Variants in THTPA observed in about 807,000 individuals in gnomAD.
The protein encoded by THTPA is thiamine triphosphatase, also known as thiamine-triphosphatase.
In THTPA, 16 loss-of-function variants were observed where a neutral mutation model predicts 16.5. The ratio of observed to expected loss-of-function variants is 0.97; its 90% CI spans 0.66 to 1.47. The LOEUF (loss-of-function observed/expected upper bound fraction) is 1.47, where lower values mean the gene tolerates loss of function less well. Ranked by LOEUF, THTPA falls within the 40% of genes most tolerant of loss-of-function variation. The pLI is 0.00. For synonymous variants in THTPA, 110 were observed against 115.5 expected, an observed-to-expected ratio of 0.95 and a Z score of 0.30; for missense variants, 281 against 280.9, an observed-to-expected ratio of 1.00 and a Z score of 0.00.
the THTPA span, chr14:23,531,614 C>G: frequency 6.6e-7 from 1 of 1,525,162 alleles, no homozygotes; most frequent in Non-Finnish European, 8.8e-7. Context: ...CAGGTGTGCG[C>G]AGGTGTTGCA....
At chr14:23,558,606 C>A in intron 1 of THTPA, 89 bp from the exon 2 acceptor site, 1 of 1,543,272 alleles carries the variant, frequency 6.5e-7, no homozygotes, top group East Asian at 2.3e-5. Context: ...TTGGAAACAT[C>A]CACGGAGTCC....
the THTPA span, chr14:23,532,351 A>G: frequency 9.3e-6 from 5 of 536,462 alleles, no homozygotes; most frequent in Non-Finnish European, 1.5e-5. Context: ...AGAGCTGAAT[A>G]AAGTCTGTTT....
At chr14:23,528,565 C>T in the THTPA span, 1 of 978,656 alleles carries the variant, frequency 1.0e-6, no homozygotes, top group Non-Finnish European at 1.2e-6. Flanking sequence ...TTTTCTGGAC[C>T]CAGAGGCTCC....
the THTPA span, chr14:23,526,861 C>T: frequency 1.3e-6 from 2 of 1,531,770 alleles, no homozygotes; most frequent in East Asian, 2.4e-5. Flanking sequence ...TGCCTGGTCT[C>T]TGCTCGGTGT....
chr14:23,519,429 T>C, the THTPA span, among the ~76,000 whole-genome samples: 2 of 152,264 alleles, frequency 1.3e-5, no homozygotes, highest in East Asian at 1.9e-4. Context: ...TAGTTTTATA[T>C]ATAGAATTTC....
the THTPA span, chr14:23,530,529 T>G: frequency 1.9e-6 from 1 of 522,894 alleles, no homozygotes; most frequent in Non-Finnish European, 3.6e-6. Context: ...CCCAGAGAAA[T>G]GTAGTAGGAG....
chr14:23,530,068 C>G, the THTPA span: 1 of 1,462,450 alleles, frequency 6.8e-7, no homozygotes, highest in Non-Finnish European at 9.3e-7. Flanking sequence ...TGCAAGGTCC[C>G]GTGAGCGTCT....
the THTPA span, chr14:23,525,831 C>T: frequency 2.1e-6 from 3 of 1,457,048 alleles, no homozygotes; most frequent in Middle Eastern, 1.8e-4. This position sits in a 1 kb window ranked among gnomAD's most constrained non-coding sequence, Gnocchi z 5.9. Context: ...ACCTTGAGAT[C>T]GTGGAGGTAG....
chr14:23,522,812 G>A, the THTPA span: 14 of 1,535,954 alleles, frequency 9.1e-6, no homozygotes, highest in Non-Finnish European at 1.2e-5. Flanking sequence ...GGTGCCTGCT[G>A]TGGAGGTGTT....
chr14:23,521,585 T>G, the THTPA span: 2 of 203,966 alleles, frequency 9.8e-6, no homozygotes, highest in Non-Finnish European at 2.0e-5. Context: ...TGTGTATGCA[T>G]TTATGGGGAT....
At chr14:23,545,557 C>T in the THTPA span, among the ~76,000 whole-genome samples, 1 of 152,214 alleles carries the variant, frequency 6.6e-6, no homozygotes, top group African/African-American at 2.4e-5. Flanking sequence ...CTAATCTTTC[C>T]AGAACCTCTT....
At chr14:23,522,761 T>G in the THTPA span, 1 of 1,536,206 alleles carries the variant, frequency 6.5e-7, no homozygotes, top group East Asian at 2.4e-5. Flanking sequence ...GGAGACCTTG[T>G]CCCCCAAGGG....
chr14:23,524,748 C>CA, the THTPA span: 1 of 1,536,446 alleles, frequency 6.5e-7, no homozygotes, highest in Non-Finnish European at 8.7e-7. The surrounding 1 kb of genome is among the most constrained non-coding windows in gnomAD (Gnocchi z 5.6). Flanking sequence ...AATGGGCCCT[C>CA]AGGCCCTGCT....
chr14:23,526,221 T>C, the THTPA span: 1 of 1,536,172 alleles, frequency 6.5e-7, no homozygotes, highest in South Asian at 1.2e-5. Flanking sequence ...GTGGCAGCAG[T>C]GGTGGTGGGT....
chr14:23,534,181 T>C, the THTPA span: 2 of 1,476,446 alleles, frequency 1.4e-6, no homozygotes, highest in Non-Finnish European at 1.8e-6. This position sits in a 1 kb window ranked among gnomAD's most constrained non-coding sequence, Gnocchi z 4.5. Context: ...GAGCCCTCCA[T>C]CCTCTTCTTG....
chr14:23,542,102 G>A, the THTPA span: 5 of 152,522 alleles, frequency 3.3e-5, no homozygotes, highest in Non-Finnish European at 4.4e-5. Flanking sequence ...GAGAGGTAAG[G>A]AAGTGAAGAG....
the THTPA span, chr14:23,530,037 A>C: frequency 1.5e-6 from 2 of 1,335,052 alleles, no homozygotes; most frequent in Non-Finnish European, 2.1e-6. Context: ...GAGCACAGAC[A>C]TTGCTGGGCT....
the THTPA span, among the ~76,000 whole-genome samples, chr14:23,542,001 A>C: frequency 6.6e-6 from 1 of 152,188 alleles, no homozygotes; most frequent in East Asian, 1.9e-4. Context: ...TATGGCAGGG[A>C]ATGAGACAAG....
At chr14:23,533,889 G>A in the THTPA span, 1 of 1,538,084 alleles carries the variant, frequency 6.5e-7, no homozygotes, top group East Asian at 2.4e-5. The surrounding 1 kb of genome is among the most constrained non-coding windows in gnomAD (Gnocchi z 4.8). Flanking sequence ...AGTGACTGTT[G>A]CTCTCAGGGT....
Sources: gnomAD v4.1 joint callset for allele counts (sites outside exome capture counted in the v4.1 genomes callset) on GRCh38, gnomAD v4.1.1 for gene constraint, Gnocchi (gnomAD v3.1) non-coding constraint, MANE v1.5 for transcripts, NCBI Gene and HGNC (gene_info 2026-07-23, HGNC 2026-07-21) for gene names.